Variants in UNC13C observed in about 807,000 individuals in gnomAD.
The protein encoded by UNC13C is unc-13 homolog C, also known as protein unc-13 homolog C.
In UNC13C, 174 loss-of-function variants were observed where a neutral mutation model predicts 245.4. That is an observed-to-expected ratio of 0.71 (90% CI 0.63 to 0.80). The LOEUF is 0.80. Among genes scored for constraint, UNC13C ranks in the 30% least tolerant of loss-of-function variants. UNC13C has a pLI of 0.00. For synonymous variants in UNC13C, 992 were observed against 895.1 expected, an observed-to-expected ratio of 1.11 and a Z score of -1.93; for missense variants, 2,829 against 2,602.9, an observed-to-expected ratio of 1.09 and a Z score of -1.89.
At chr15:53,885,206 T>TCTTTCTGAACTTCTCCTGC in the UNC13C span, among the ~76,000 whole-genome samples, 1 of 152,198 alleles carries the variant, frequency 6.6e-6, no homozygotes, top group East Asian at 1.9e-4. Flanking sequence ...AGAACCAAGG[T>TCTTTCTGAACTTCTCCTGC]CTTTCTGAAC....
intron 13 of UNC13C, among the ~76,000 whole-genome samples, chr15:54,305,212 G>A (rs1187906375): frequency 6.6e-6 from 1 of 152,044 alleles, no homozygotes; most frequent in Non-Finnish European, 1.5e-5. Context: ...CTCCTAGTGT[G>A]TTTCTAGATG....
intron 4 of UNC13C, among the ~76,000 whole-genome samples, chr15:54,229,915 T>C (rs1486523403): frequency 6.6e-6 from 1 of 152,160 alleles, no homozygotes; most frequent in East Asian, 1.9e-4. Flanking sequence ...CTTAACATAA[T>C]GTCCTTCAGG....
chr15:54,179,873 G>T (rs1340175469), intron 4 of UNC13C, among the ~76,000 whole-genome samples: 1 of 151,616 alleles, frequency 6.6e-6, no homozygotes, highest in Non-Finnish European at 1.5e-5. Context: ...TCAAAGAAAA[G>T]GAAAAAATAT....
intron 4 of UNC13C, among the ~76,000 whole-genome samples, chr15:54,171,095 A>G (rs1041349670): frequency 2.2e-4 from 34 of 152,312 alleles, no homozygotes; most frequent in Non-Finnish European, 3.8e-4. Context: ...CAGCTGCCCA[A>G]TAGAAATTCA....
intron 14 of UNC13C, among the ~76,000 whole-genome samples, chr15:54,324,792 TG>T (rs1168533084): frequency 1.3e-5 from 2 of 152,066 alleles, no homozygotes; most frequent in East Asian, 3.9e-4. Flanking sequence ...AGAATGTCAT[TG>T]GTCAGTGAAG....
chr15:54,432,264 T>C (rs1164040737), intron 19 of UNC13C, among the ~76,000 whole-genome samples: 1 of 151,602 alleles, frequency 6.6e-6, no homozygotes, highest in Admixed American at 6.6e-5. Context: ...GCGACTGTGA[T>C]ACCTGTTAGA....
intron 30 of UNC13C, among the ~76,000 whole-genome samples, chr15:54,599,410 G>C (rs909409218): frequency 6.6e-6 from 1 of 151,980 alleles, no homozygotes; most frequent in Non-Finnish European, 1.5e-5. Context: ...TTTGTGTCTT[G>C]TACAAGCCTG....
intron 4 of UNC13C, among the ~76,000 whole-genome samples, chr15:54,184,635 T>C (rs1403217474): frequency 1.3e-5 from 2 of 152,232 alleles, no homozygotes; most frequent in Non-Finnish European, 1.5e-5. Flanking sequence ...CCATGGTGTA[T>C]ATGTGCCACA....
At chr15:54,457,825 A>G (rs1891613765) in intron 19 of UNC13C, among the ~76,000 whole-genome samples, 2 of 148,328 alleles carry the variant, frequency 1.3e-5, no homozygotes, top group Admixed American at 1.3e-4. Flanking sequence ...TTAAACAACC[A>G]GGTTTCTGTT....
At chr15:54,504,979 C>T (rs676463) in intron 22 of UNC13C, among the ~76,000 whole-genome samples, 69,229 of 151,952 alleles carry the variant, frequency 0.46, 16,217 homozygotes, top group African/African-American at 0.54. Flanking sequence ...AAAGATATTT[C>T]AGTCACCCTG....
the UNC13C span, among the ~76,000 whole-genome samples, chr15:53,855,978 G>C: frequency 6.6e-6 from 1 of 152,008 alleles, no homozygotes; most frequent in East Asian, 1.9e-4. Context: ...ACTTGTTATT[G>C]GTCCATTCAG....
At chr15:53,956,363 T>A in the UNC13C span, among the ~76,000 whole-genome samples, 1 of 151,706 alleles carries the variant, frequency 6.6e-6, no homozygotes, top group Non-Finnish European at 1.5e-5. Flanking sequence ...TATTTAGGGG[T>A]GGGAAATTCA....
intron 30 of UNC13C, among the ~76,000 whole-genome samples, chr15:54,609,954 C>G (rs560950011): frequency 3.2e-4 from 48 of 152,186 alleles, no homozygotes; most frequent in African/African-American, 1.1e-3. Context: ...CTCATGATAA[C>G]TCACTCACTG....
chr15:54,017,003 C>G lies in UNC13C; in HGVS notation c.2983+1117C>G, dbSNP rs565661080. On this transcript the variant is annotated intron_variant, in intron 2 of 32. Transcript: ENST00000260323. ...TTGACCAAAGCTGTGATCAAACTCC[C>G]CTAAATGAGCCATTTTGTGGTTGAT... Among the ~76,000 whole-genome samples the G allele has an allele frequency of 3.3e-5, 5 of 152,212 alleles. No individual in the cohort carries two copies. In the East Asian group the frequency reaches 9.7e-4, roughly 29 times the overall value.
Position 54,297,827 on chromosome 15 carries a change from G to T in UNC13C, c.4005G>T (p.Lys1335Asn). The change falls in exon 12 of 33, where the codon AAG (lysine) becomes AAT (asparagine). Residue 1335 changes from lysine (K) to asparagine (N), a missense_variant. Coordinates refer to ENST00000260323, the MANE Select transcript of UNC13C (RefSeq NM_001080534.3). ...VWYNLEKRTDKSAVSGAIRLK... is the reference protein window; with the variant it reads ...VWYNLEKRTDNSAVSGAIRLK... ...CTTTATCAGAGAAAAGGACAGATAA[G>T]TCAGCTGTATCTGGGGCCATACGAT... 6.2e-7 allele frequency: 1 copy of T among 1,608,260 alleles called. No individual in the cohort carries two copies. The highest frequency in any genetic ancestry group is 2.2e-5 in the East Asian group (1 of 44,744).
chr15:54,398,904 CT>C (rs1250255028), intron 18 of UNC13C, among the ~76,000 whole-genome samples: 1 of 151,488 alleles, frequency 6.6e-6, no homozygotes, highest in African/African-American at 2.4e-5. Context: ...TAAGAAACAG[CT>C]TTTGATTTTA....
chr15:54,198,597 G>A (rs141705161), intron 4 of UNC13C, among the ~76,000 whole-genome samples: 91 of 152,208 alleles, frequency 6.0e-4, no homozygotes, highest in African/African-American at 2.1e-3. Context: ...GTGGGTAGAC[G>A]CAGAATAACA....
chr15:54,558,758 G>T (rs971495180), intron 29 of UNC13C, among the ~76,000 whole-genome samples: 1 of 151,922 alleles, frequency 6.6e-6, no homozygotes, highest in South Asian at 2.1e-4. Flanking sequence ...ACCCGGAAAA[G>T]CAACCAAATC....
chr15:54,454,140 A>ATATATAT (rs1245633974), intron 19 of UNC13C, among the ~76,000 whole-genome samples: 2 of 150,568 alleles, frequency 1.3e-5, no homozygotes, highest in Non-Finnish European at 3.0e-5. Context: ...TATATATATA[A>ATATATAT]AATACAATTT....
Sources: allele counts gnomAD v4.1 joint callset (sites outside exome capture counted in the v4.1 genomes callset), GRCh38; gene constraint gnomAD v4.1.1; transcripts MANE v1.5; gene names NCBI Gene and HGNC (gene_info 2026-07-23, HGNC 2026-07-21).